The following ZNF880 variants were observed in gnomAD, a reference collection of about 807,000 sequenced individuals.
ZNF880 encodes the protein zinc finger protein 880.
In ZNF880, 12 loss-of-function variants were observed where a neutral mutation model predicts 11.8. The observed-to-expected ratio is 1.02, with a 90% confidence interval of 0.65 to 1.65. ZNF880 has a LOEUF of 1.65. Ranked by LOEUF, ZNF880 falls within the 40% of genes most tolerant of loss-of-function variation. The pLI, the probability that ZNF880 is intolerant of heterozygous loss-of-function variation, is 0.00. For missense variants in ZNF880, 601 were observed against 673.9 expected, an observed-to-expected ratio of 0.89 and a Z score of 1.20; for synonymous variants, 210 against 232.4, an observed-to-expected ratio of 0.90 and a Z score of 0.88.
At chr19:52,371,493 G>A (rs756460999) in intron 1 of ZNF880, among the ~76,000 whole-genome samples, 3 of 151,756 alleles carry the variant, frequency 2.0e-5, no homozygotes, top group Non-Finnish European at 4.4e-5. Context: ...GTCCTGCCTC[G>A]GCCTCCCAAG....
downstream of ZNF880, chr19:52,389,428 A>C (rs1165012612): frequency 1.7e-5 from 2 of 118,654 alleles, no homozygotes; most frequent in Non-Finnish European, 3.5e-5. Flanking sequence ...TGCCAGTCTG[A>C]AATCCAGCAG....
chr19:52,396,016 C>T, the ZNF880 span, among the ~76,000 whole-genome samples: 1 of 151,982 alleles, frequency 6.6e-6, no homozygotes, highest in Non-Finnish European at 1.5e-5. Context: ...AGTGCAGTGG[C>T]GCAATCTTGG....
upstream of ZNF880, chr19:52,369,890 C>T (rs1986306919): frequency 1.9e-6 from 3 of 1,542,848 alleles, no homozygotes; most frequent in Non-Finnish European, 2.6e-6. Context: ...CCCACCCGGG[C>T]CTGGCCTCGC....
At chr19:52,386,235 A>G (rs1986885036), downstream of ZNF880, among the ~76,000 whole-genome samples, 1 of 142,422 alleles carries the variant, frequency 7.0e-6, no homozygotes, top group Non-Finnish European at 1.5e-5. Flanking sequence ...TCATTAGCTG[A>G]GAATCATTTC....
intron 2 of ZNF880, among the ~76,000 whole-genome samples, chr19:52,374,033 G>C (rs1367537963): frequency 6.6e-6 from 1 of 151,500 alleles, no homozygotes; most frequent in Admixed American, 6.6e-5. Context: ...TTGCATTTTG[G>C]AGATGCCACA....
At chr19:52,388,281 A>AATTTTTTTTTTTTT (rs1298446341), downstream of ZNF880, among the ~76,000 whole-genome samples, 4 of 38,898 alleles carry the variant, frequency 1.0e-4, no homozygotes, top group Non-Finnish European at 1.9e-4. Context: ...GGCAATTTGA[A>AATTTTTTTTTTTTT]CTTTTTTTTT....
chr19:52,382,316 GAA>G (rs749307265), intron 3 of ZNF880, among the ~76,000 whole-genome samples: 89 of 152,012 alleles, frequency 5.9e-4, no homozygotes, highest in Non-Finnish European at 1.2e-3. Context: ...AGTTACAAAA[GAA>G]AAGAGTAATA....
At chr19:52,396,871 C>T in the ZNF880 span, 1 of 152,344 alleles carries the variant, frequency 6.6e-6, no homozygotes, top group South Asian at 2.1e-4. Context: ...CCCAGGAAGT[C>T]AAGGTTGCAG....
chr19:52,375,774 T>C (rs1281958930), intron 3 of ZNF880, among the ~76,000 whole-genome samples: 1 of 152,156 alleles, frequency 6.6e-6, no homozygotes, highest in Non-Finnish European at 1.5e-5. Context: ...TGGGCTCATA[T>C]GATCATCTTG....
rs1407260242 is a variant in ZNF880, at chr19:52,373,195, A to G, written c.97A>G (p.Arg33Gly). 9 of 1,613,106 alleles carry G rather than the reference A, an allele frequency of 5.6e-6. No individual in the cohort carries two copies. Among genetic ancestry groups the G allele is most frequent in the African/African-American group, 1.3e-5 (1 of 74,896 alleles). ...GGACCCTGCTCAGAGGACTTTATAC[A>G]GGGAAGTGATGGTGGAGAACTACAG... Reference protein sequence around the residue: ...CLDPAQRTLYREVMVENYRNL... With the variant: ...CLDPAQRTLYGEVMVENYRNL... The change falls in exon 2 of 4, where the codon AGG becomes GGG. Residue 33 changes from arginine to glycine, a missense_variant. Physicochemically the swap from Arg to Gly is moderately radical, Grantham distance 125. Around this residue, in one of 3 missense-constraint regions of ZNF880, gnomAD observed 420 missense variants for 442.6 expected, o/e 0.95. Coordinates refer to ENST00000422689, the MANE Select transcript of ZNF880 (RefSeq NM_001145434.2).
intron 3 of ZNF880, among the ~76,000 whole-genome samples, chr19:52,376,544 C>T (rs1986563402): frequency 9.6e-6 from 1 of 103,666 alleles, no homozygotes; most frequent in South Asian, 3.5e-4. Flanking sequence ...GCGTCTTGCT[C>T]TGTCGCCCAG....
intron 1 of ZNF880, chr19:52,370,232 TC>T (rs1432804615): frequency 1.8e-6 from 1 of 553,746 alleles, no homozygotes; most frequent in African/African-American, 1.9e-5. Context: ...CTGCTTCAAA[TC>T]CTTCAGTGAC....
chr19:52,392,790 T>G, the ZNF880 span: 5 of 223,340 alleles, frequency 2.2e-5, no homozygotes, highest in African/African-American at 1.2e-4. Flanking sequence ...TGAACACAGG[T>G]AAGAGCTCAG....
In ZNF880 at chr19:52,385,087, C is replaced by T. The variant is rs371557702; in HGVS notation, c.1507C>T (p.His503Tyr). The T allele has an allele frequency of 2.4e-5, 38 of 1,555,236 alleles. No individual in the cohort carries two copies. The African/African-American group carries it at 5.0e-4, about 20-fold the overall frequency. Residue 503 changes from histidine to tyrosine, a missense_variant, in exon 4 of 4, where the codon CAC (histidine) becomes TAC (tyrosine). Physicochemically the swap from His to Tyr is moderately conservative, Grantham distance 83. Transcript: ENST00000422689. ...KCSECHKVFS[H>Y]NSHLARHRQI... ...CAGTGAATGTCACAAAGTCTTTAGT[C>T]ACAATTCACACCTTGCACGACATAG...
At chr19:52,380,060 T>C (rs540796703) in intron 3 of ZNF880, 1 of 151,736 alleles carries the variant, frequency 6.6e-6, no homozygotes, top group Admixed American at 6.6e-5. Flanking sequence ...TCCATACCCA[T>C]CTAATTTTTG....
At chr19:52,368,969 A>G (rs1044213656), upstream of ZNF880, among the ~76,000 whole-genome samples, 5 of 69,172 alleles carry the variant, frequency 7.2e-5, no homozygotes, top group African/African-American at 3.2e-4. Context: ...GAGGGAGACC[A>G]TCTCAAAAAA....
intron 3 of ZNF880, among the ~76,000 whole-genome samples, chr19:52,376,527 T>TTTTTTTTTTTTTTTTGTA (rs1986561704): frequency 7.2e-6 from 1 of 138,594 alleles, no homozygotes. Context: ...TTTTTTTTTT[T>TTTTTTTTTTTTTTTTGTA]GAGACAGCGT....
chr19:52,373,078 T>C (rs779889205), intron 1 of ZNF880, 33 bp from the exon 2 acceptor site: 33 of 1,609,602 alleles, frequency 2.1e-5, no homozygotes, highest in Admixed American at 8.3e-5. Context: ...TTTTGTGTGA[T>C]ATCCTGTTGG....
intron 3 of ZNF880, 51 bp downstream of exon 3, chr19:52,374,478 A>C: frequency 6.6e-7 from 1 of 1,506,834 alleles, no homozygotes; most frequent in Non-Finnish European, 9.0e-7. Flanking sequence ...TTTTTTTTTT[A>C]AACAGGGTCT....
Sources: allele counts gnomAD v4.1 joint callset (sites outside exome capture counted in the v4.1 genomes callset), GRCh38; gene constraint gnomAD v4.1.1; regional missense constraint gnomAD v4.1.1; transcripts MANE v1.5; gene names NCBI Gene and HGNC (gene_info 2026-07-23, HGNC 2026-07-21).